SLCO4A1: variants seen among roughly 807,000 people sequenced by gnomAD.
The protein encoded by SLCO4A1 is solute carrier organic anion transporter family member 4A1.
SLCO4A1 carries 51 observed loss-of-function variants against 64.6 expected under a neutral mutation model. The ratio of observed to expected loss-of-function variants is 0.79; its 90% confidence interval spans 0.63 to 1.00. The LOEUF (loss-of-function observed/expected upper bound fraction) is 1.00, where lower values mean the gene tolerates loss of function less well. SLCO4A1 is among the 50% of genes least tolerant of loss of function. The probability of loss-of-function intolerance (pLI) is 0.00; values close to 1 mark genes in which losing one functional copy is unlikely to be tolerated. For synonymous variants in SLCO4A1, 471 were observed against 444.9 expected, an observed-to-expected ratio of 1.06 and a Z score of -0.74; for missense variants, 919 against 980.5, an observed-to-expected ratio of 0.94 and a Z score of 0.84.
chr20:62,672,321 A>G (rs547865002), downstream of SLCO4A1: 17 of 1,058,580 alleles, frequency 1.6e-5, no homozygotes, highest in South Asian at 2.5e-4. Flanking sequence ...CTTTATTTCT[A>G]TGAGTTTGCA....
At position 62,655,413 on chromosome 20, in the gene SLCO4A1, G is replaced by A. The variant is rs561510885; in HGVS notation, c.-96-946G>A. Among the ~76,000 whole-genome samples the A allele has an allele frequency of 5.9e-5, 9 of 152,210 alleles. No homozygotes were observed. In the South Asian group the frequency reaches 8.3e-4, roughly 14 times the overall value. On this transcript the variant is annotated intron_variant, in intron 1 of 11. Coordinates refer to ENST00000217159, the MANE Select transcript of SLCO4A1 (RefSeq NM_016354.4). ...ATCATAGCAGCCCTGTTTATTCGCC[G>A]GTTTATTTCTGACGGGGAAAGCCCT...
At chr20:62,654,788 A>G (rs1451300996) in intron 1 of SLCO4A1, among the ~76,000 whole-genome samples, 1 of 152,202 alleles carries the variant, frequency 6.6e-6, no homozygotes, top group Non-Finnish European at 1.5e-5. Context: ...CCTTAGCTCC[A>G]CAGTGAAGAC....
chr20:62,666,688 G>A (rs932636215), intron 7 of SLCO4A1, 113 bp downstream of exon 7: 37 of 945,562 alleles, frequency 3.9e-5, no homozygotes, highest in African/African-American at 2.0e-4. Flanking sequence ...AAAGGGCTAC[G>A]TCACAGGACA....
intron 5 of SLCO4A1, 119 bp from the exon 6 acceptor site, chr20:62,664,813 GTC>G: frequency 8.9e-7 from 1 of 1,126,066 alleles, no homozygotes; most frequent in Non-Finnish European, 1.2e-6. Context: ...CTGACCCTCA[GTC>G]TCTTCTCCAC....
Position 62,681,456 on chromosome 20 carries a change from G to A in SLCO4A1, n.212-3985G>A, listed in dbSNP as rs551606916. On this transcript the variant is annotated intron_variant and non_coding_transcript_variant, in intron 2 of 2. Transcript: ENST00000466818. ...CACACTCGTGTGTGTGTATTAAGCC[G>A]TGTGTACACACTCGTGTGTGTGTTA... Among the ~76,000 whole-genome samples the A allele has an allele frequency of 9.9e-5, 10 of 101,402 alleles. 1 individual carries two copies. Among genetic ancestry groups the A allele is most frequent in the South Asian group, 7.1e-4 (2 of 2,824 alleles). 66.5% of individuals were successfully genotyped at this position (101,402 alleles called of 152,430 possible).
rs375154310 is a variant in SLCO4A1, at chr20:62,666,462, G to A, written c.1359G>A (p.Ala453=). Residue 453 remains alanine, a synonymous_variant, in exon 7 of 12, where the codon GCG becomes GCA. Transcript: ENST00000217159. ...FVNKLRLRGS[A]VIKFCLFCTV... Reference sequence around the variant, plus strand: ...ACAAGCTCAGGCTCCGGGGCTCCGCGGTCATCAAGTTCTGCCTGTTCTGCA... The same window carrying A: ...ACAAGCTCAGGCTCCGGGGCTCCGCAGTCATCAAGTTCTGCCTGTTCTGCA... 14 of 1,613,376 alleles carry A rather than the reference G, an allele frequency of 8.7e-6. No individual in the cohort carries two copies. The highest frequency in any genetic ancestry group is 6.7e-5 in the East Asian group (3 of 44,860).
At position 62,657,114 on chromosome 20, in the gene SLCO4A1, C is replaced by G; in HGVS notation, c.660C>G (p.Thr220=). 1 of 1,585,462 alleles carries G rather than the reference C, an allele frequency of 6.3e-7. No individual in the cohort carries two copies. The highest frequency in any genetic ancestry group is 8.6e-7 in the Non-Finnish European group (1 of 1,167,754). ...ANPGAVCADS[T]SGLSRYQLVF... ...CCGGCGCGGTGTGTGCGGACAGCAC[C>G]TCGGGCCTGTCCCGCTACCAGCTGG... Residue 220 remains threonine (T), a synonymous_variant, in exon 2 of 12, where the codon ACC becomes ACG. Transcript: ENST00000217159.
intron 2 of SLCO4A1, among the ~76,000 whole-genome samples, chr20:62,684,966 C>T (rs547047183): frequency 3.9e-5 from 6 of 152,162 alleles, no homozygotes; most frequent in Non-Finnish European, 8.8e-5. Context: ...CAGAAAGGCC[C>T]GGCCAAAGCA....
rs533871836 is a variant in SLCO4A1, at chr20:62,679,068, A to T, written n.212-6373A>T. Reference sequence around the variant, plus strand: ...ACCCCATCTCTACTGAAAATACAAAAATTAGCATGCCTGTAATCCCAGCTA... The same window carrying T: ...ACCCCATCTCTACTGAAAATACAAATATTAGCATGCCTGTAATCCCAGCTA... On this transcript the variant is annotated intron_variant and non_coding_transcript_variant, in intron 2 of 2. Coordinates refer to the SLCO4A1 transcript ENST00000466818. 7.9e-5 allele frequency among the ~76,000 whole-genome samples: 12 copies of T among 152,238 alleles called. No homozygotes were observed. The East Asian group carries it at 1.5e-3, about 20-fold the overall frequency.
At position 62,645,696 on chromosome 20, in the gene SLCO4A1, G is replaced by A. The variant is rs149288481; in HGVS notation, c.-97+3143G>A. Among the ~76,000 whole-genome samples the A allele has an allele frequency of 3.9e-5, 6 of 152,108 alleles. No individual in the cohort carries two copies. The highest frequency in any genetic ancestry group is 5.9e-5 in the Non-Finnish European group (4 of 67,974). ...GCCTTCTGCAGAAGCCGCTCCCCAC[G>A]TAGCCCAAGCGTAGGGTGAGACTTG... On this transcript the variant is annotated intron_variant, in intron 1 of 11. Transcript: ENST00000217159. This position sits in a 1 kb window ranked among gnomAD's most constrained non-coding sequence, Gnocchi z 4.2.
chr20:62,660,106 T>C (rs1368643581), intron 3 of SLCO4A1, among the ~76,000 whole-genome samples: 1 of 152,172 alleles, frequency 6.6e-6, no homozygotes, highest in African/African-American at 2.4e-5. Context: ...GAGAGGCTGC[T>C]CCTCTTAGTG....
intron 2 of SLCO4A1, among the ~76,000 whole-genome samples, chr20:62,683,311 C>T (rs1987918209): frequency 6.6e-6 from 1 of 152,036 alleles, no homozygotes; most frequent in Non-Finnish European, 1.5e-5. Context: ...GAGCTCAGAC[C>T]CAGCACTTCT....
intron 1 of SLCO4A1, chr20:62,643,001 C>A: frequency 2.1e-6 from 1 of 470,112 alleles, no homozygotes; most frequent in South Asian, 1.5e-5. Context: ...TCCAGAGTTG[C>A]GGAGTCACCC....
At chr20:62,678,194 C>T (rs1242784239) in intron 2 of SLCO4A1, among the ~76,000 whole-genome samples, 1 of 152,334 alleles carries the variant, frequency 6.6e-6, no homozygotes, top group East Asian at 1.9e-4. Context: ...GAAACGCCAG[C>T]AGGCTTTATT....
chr20:62,686,541 G>GC (rs1190073261), downstream of SLCO4A1, among the ~76,000 whole-genome samples: 9 of 152,198 alleles, frequency 5.9e-5, no homozygotes, highest in Non-Finnish European at 1.2e-4. Flanking sequence ...CTGTTTCTGA[G>GC]CCCCCGAGGG....
Position 62,656,548 on chromosome 20 carries a change from AG to A in SLCO4A1, c.97del (p.Ala33HisfsTer7). The A allele has an allele frequency of 6.3e-7, 1 of 1,581,710 alleles. No individual in the cohort carries two copies. Reference protein sequence around the residue: ...NGLDHTPPSRRASPGTPLSPG... With the variant: ...NGLDHTPPSRXASPGTPLSPG... The stretch of plus-strand genomic sequence containing the variant: ...GCTTGACCACACCCCACCCAGCAGG[AG>A]GGCATCCCCGGGCACACCCCTGAGC... On this transcript the variant is annotated frameshift_variant, in exon 2 of 12. Coordinates refer to ENST00000217159, the MANE Select transcript of SLCO4A1 (RefSeq NM_016354.4). LOFTEE classifies it high-confidence loss of function.
intron 1 of SLCO4A1, among the ~76,000 whole-genome samples, chr20:62,655,701 C>T (rs1259126379): frequency 2.6e-5 from 4 of 152,182 alleles, no homozygotes; most frequent in Admixed American, 6.5e-5. Flanking sequence ...GACCCAGCAG[C>T]GGCCGGAGCT....
chr20:62,680,100 C>T (rs1987760342), intron 2 of SLCO4A1, among the ~76,000 whole-genome samples: 1 of 152,160 alleles, frequency 6.6e-6, no homozygotes, highest in Non-Finnish European at 1.5e-5. Flanking sequence ...AGCCATAGGA[C>T]CCACAGTGTT....
intron 1 of SLCO4A1, among the ~76,000 whole-genome samples, chr20:62,652,960 G>A (rs1982876453): frequency 6.6e-6 from 1 of 152,216 alleles, no homozygotes. Context: ...CCAGACTGCG[G>A]GGGCTGCATC....
Sources: allele counts gnomAD v4.1 joint callset (sites outside exome capture counted in the v4.1 genomes callset), GRCh38; gene constraint gnomAD v4.1.1; non-coding constraint Gnocchi (gnomAD v3.1); transcripts MANE v1.5; gene names NCBI Gene and HGNC (gene_info 2026-07-23, HGNC 2026-07-21).